The following KCNJ6 variants were observed in gnomAD, a reference collection of about 807,000 sequenced individuals.
KCNJ6 encodes the protein potassium inwardly rectifying channel subfamily J member 6.
KCNJ6 carries 9 observed loss-of-function variants against 34.2 expected under a neutral mutation model. The observed-to-expected ratio is 0.26, with a 90% CI of 0.16 to 0.46. KCNJ6 has a LOEUF of 0.46. Among genes scored for constraint, KCNJ6 ranks in the 20% least tolerant of loss-of-function variants. KCNJ6 has a pLI of 1.00. For synonymous variants in KCNJ6, 196 were observed against 207.1 expected, an observed-to-expected ratio of 0.95 and a Z score of 0.46; for missense variants, 236 against 531.3, an observed-to-expected ratio of 0.44 and a Z score of 5.46.
chr21:37,767,855 C>T (rs1028927938), intron 2 of KCNJ6, among the ~76,000 whole-genome samples: 3 of 152,070 alleles, frequency 2.0e-5, no homozygotes, highest in African/African-American at 7.2e-5. Flanking sequence ...CATGTTTCCA[C>T]TAAAAAAGTG....
At chr21:37,863,926 A>G (rs1392246331) in intron 1 of KCNJ6, among the ~76,000 whole-genome samples, 2 of 125,606 alleles carry the variant, frequency 1.6e-5, no homozygotes, top group Non-Finnish European at 3.1e-5. Context: ...TTGGAGGTTG[A>G]GTTTAAACTG....
intron 3 of KCNJ6, among the ~76,000 whole-genome samples, chr21:37,626,057 A>G (rs2054309315): frequency 6.6e-6 from 1 of 151,898 alleles, no homozygotes; most frequent in Admixed American, 6.5e-5. Flanking sequence ...CTGAATTTGC[A>G]CTTTACTTAG....
rs1269967505 is a variant in KCNJ6, at chr21:37,675,083, C to T, written c.946+39128G>A. ...TCTGCTGCTCCGGGTTTGACTCAAT[C>T]GACACCCTTCGCACCACTTTCTAAG... On this transcript the variant is annotated intron_variant, in intron 3 of 3. Coordinates refer to ENST00000609713, the MANE Select transcript of KCNJ6 (RefSeq NM_002240.5). This position sits in a 1 kb window ranked among gnomAD's most constrained non-coding sequence, Gnocchi z 4.2. 1.3e-5 allele frequency among the ~76,000 whole-genome samples: 2 copies of T among 152,096 alleles called. No homozygotes were observed. The highest frequency in any genetic ancestry group is 2.9e-5 in the Non-Finnish European group (2 of 68,032).
chr21:37,738,654 T>A (rs957000607), intron 2 of KCNJ6, among the ~76,000 whole-genome samples: 5 of 152,216 alleles, frequency 3.3e-5, no homozygotes, highest in African/African-American at 1.2e-4. Context: ...GTGCTCCCAG[T>A]CTTAGTGCTA....
intron 2 of KCNJ6, among the ~76,000 whole-genome samples, chr21:37,831,340 T>C (rs2836000): frequency 0.053 from 8,093 of 152,282 alleles, 273 homozygotes; most frequent in Middle Eastern, 0.079. Context: ...AAATGATACA[T>C]TGTACAGGGA....
intron 1 of KCNJ6, among the ~76,000 whole-genome samples, chr21:37,860,466 C>A (rs769840584): frequency 6.6e-6 from 1 of 152,174 alleles, no homozygotes; most frequent in Non-Finnish European, 1.5e-5. Context: ...TATATGGCAG[C>A]CAGAGCCATC....
intron 3 of KCNJ6, among the ~76,000 whole-genome samples, chr21:37,688,346 G>GA (rs2123425490): frequency 6.6e-6 from 1 of 150,654 alleles, no homozygotes; most frequent in Admixed American, 6.6e-5. Flanking sequence ...TTGAGTACTA[G>GA]AGATACACCC....
intron 3 of KCNJ6, among the ~76,000 whole-genome samples, chr21:37,677,196 C>T (rs1243188031): frequency 6.6e-6 from 1 of 152,196 alleles, no homozygotes; most frequent in Non-Finnish European, 1.5e-5. Context: ...TAGTCTGCTG[C>T]AGTGTGACAG....
intron 1 of KCNJ6, among the ~76,000 whole-genome samples, chr21:37,889,589 C>A (rs972740173): frequency 6.6e-6 from 1 of 152,140 alleles, no homozygotes; most frequent in Non-Finnish European, 1.5e-5. Flanking sequence ...AACAAACATT[C>A]ATTCTTTCAG....
At chr21:37,644,835 C>A (rs73410083) in intron 3 of KCNJ6, among the ~76,000 whole-genome samples, 3,084 of 152,212 alleles carry the variant, frequency 0.02, 111 homozygotes, top group African/African-American at 0.07. Context: ...ATGCCTTGAG[C>A]GTGTTTTAAA....
At chr21:37,753,405 T>C (rs1273335001) in intron 2 of KCNJ6, among the ~76,000 whole-genome samples, 1 of 152,210 alleles carries the variant, frequency 6.6e-6, no homozygotes, top group Non-Finnish European at 1.5e-5. Context: ...TAGGCTATGA[T>C]GTGAGAAACT....
chr21:37,851,663 G>T (rs533106703), intron 1 of KCNJ6, among the ~76,000 whole-genome samples: 1 of 151,930 alleles, frequency 6.6e-6, no homozygotes, highest in Admixed American at 6.5e-5. Context: ...AATCTCTGTT[G>T]TTCTTTTATC....
intron 3 of KCNJ6, among the ~76,000 whole-genome samples, chr21:37,646,223 T>A (rs1463960983): frequency 1.3e-5 from 2 of 152,162 alleles, no homozygotes; most frequent in Admixed American, 6.5e-5. Context: ...CAAATATTTT[T>A]TATATATATT....
chr21:37,823,379 T>A (rs757306296), intron 2 of KCNJ6, among the ~76,000 whole-genome samples: 9 of 152,182 alleles, frequency 5.9e-5, no homozygotes, highest in Non-Finnish European at 1.0e-4. Flanking sequence ...CACTTACATG[T>A]GGAATCTAAA....
At chr21:37,761,326 GTAT>G (rs533781072) in intron 2 of KCNJ6, among the ~76,000 whole-genome samples, 651 of 3,354 alleles carry the variant, frequency 0.19, 4 homozygotes, top group African/African-American at 0.42. Flanking sequence ...TGTCTTGTGT[GTAT>G]TAGTGTGTGT....
rs375711773 is a variant in KCNJ6 at position 37,863,857 on chromosome 21, TTTG to T, written c.-27-23151_-27-23149del. Among the ~76,000 whole-genome samples, 496 of 85,798 alleles carry T rather than the reference TTTG, an allele frequency of 5.8e-3. 57 individuals are homozygous for T. Among genetic ancestry groups the T allele is most frequent in the Middle Eastern group, 0.01 (2 of 194 alleles). 56.3% of individuals were successfully genotyped at this position (85,798 alleles called of 152,430 possible). On this transcript the variant is annotated intron_variant, in intron 1 of 3. Transcript: ENST00000609713. The stretch of plus-strand genomic sequence containing the variant: ...TTTAAAATATAAAGGTTTTTTTTTT[TTTG>T]TTTTTTTTTTTTTTTGGTGAAGAGA...
chr21:37,863,102 G>C (rs2055602977), intron 1 of KCNJ6, among the ~76,000 whole-genome samples: 1 of 152,168 alleles, frequency 6.6e-6, no homozygotes, highest in African/African-American at 2.4e-5. Context: ...GAGGAAAGAG[G>C]AAAAACATGT....
chr21:37,792,971 C>A (rs1225690397), intron 2 of KCNJ6, among the ~76,000 whole-genome samples: 11 of 152,060 alleles, frequency 7.2e-5, no homozygotes, highest in Non-Finnish European at 7.4e-5. Flanking sequence ...AGCCATGAGG[C>A]CCCTCCTCTA....
At chr21:37,722,065 A>G (rs912028592) in intron 2 of KCNJ6, among the ~76,000 whole-genome samples, 3 of 152,238 alleles carry the variant, frequency 2.0e-5, no homozygotes, top group African/African-American at 7.2e-5. Context: ...CTCTGCCAAA[A>G]GGCTCCTGGA....
Sources: allele counts gnomAD v4.1 joint callset (sites outside exome capture counted in the v4.1 genomes callset), GRCh38; gene constraint gnomAD v4.1.1; non-coding constraint Gnocchi (gnomAD v3.1); transcripts MANE v1.5; gene names NCBI Gene and HGNC (gene_info 2026-07-23, HGNC 2026-07-21).